Variants in MGAT4C observed in about 807,000 individuals in gnomAD.
MGAT4C encodes MGAT4 family member C, also known as alpha-1,3-mannosyl-glycoprotein 4-beta-N-acetylglucosaminyltransferase C.
A neutral mutation model predicts 40.1 loss-of-function variants in MGAT4C; 19 were observed. The observed-to-expected ratio is 0.47, with a 90% CI of 0.33 to 0.70. The LOEUF is 0.70. Among genes scored for constraint, MGAT4C ranks in the 30% least tolerant of loss-of-function variants. The pLI, the probability that MGAT4C is intolerant of heterozygous loss-of-function variation, is 0.02. For missense variants in MGAT4C, 491 were observed against 563.2 expected (o/e 0.87, Z 1.30); for synonymous variants, 181 against 187.1 (o/e 0.97, Z 0.27).
chr12:86,583,956 T>G (rs1960897699), intron 2 of MGAT4C, among the ~76,000 whole-genome samples: 2 of 150,982 alleles, frequency 1.3e-5, no homozygotes, highest in Non-Finnish European at 3.0e-5. Context: ...ATAAAATAAG[T>G]TACTATGATA....
chr12:86,549,850 C>T (rs1463701377), intron 2 of MGAT4C, among the ~76,000 whole-genome samples: 1 of 152,174 alleles, frequency 6.6e-6, no homozygotes, highest in Non-Finnish European at 1.5e-5. Flanking sequence ...CAGACACTCT[C>T]CCCCACTTAG....
intron 2 of MGAT4C, among the ~76,000 whole-genome samples, chr12:86,724,431 T>A (rs1950788980): frequency 6.6e-6 from 1 of 152,164 alleles, no homozygotes; most frequent in Non-Finnish European, 1.5e-5. Flanking sequence ...ATGCTTTAAA[T>A]TTGTTGTTAT....
chr12:85,983,389 A>G, intron 4 of MGAT4C, 134 bp downstream of exon 4: 1 of 823,346 alleles, frequency 1.2e-6, no homozygotes, highest in Non-Finnish European at 1.7e-6. Flanking sequence ...TTGTGAAGAA[A>G]CATTGAAGTT....
chr12:86,165,383 A>G (rs530752691), intron 1 of MGAT4C, among the ~76,000 whole-genome samples: 1 of 152,204 alleles, frequency 6.6e-6, no homozygotes, highest in East Asian at 1.9e-4. Flanking sequence ...ATAATTTTAG[A>G]ACAGTTTATT....
chr12:86,657,936 A>G (rs576835803), intron 2 of MGAT4C, among the ~76,000 whole-genome samples: 2 of 152,134 alleles, frequency 1.3e-5, no homozygotes, highest in South Asian at 4.1e-4. Flanking sequence ...TAAATTATTC[A>G]GTACTTTTTA....
At chr12:86,603,427 GTA>G (rs1961869296) in intron 2 of MGAT4C, among the ~76,000 whole-genome samples, 1 of 106,992 alleles carries the variant, frequency 9.3e-6, no homozygotes, top group South Asian at 2.6e-4. Flanking sequence ...ATAGTATATA[GTA>G]TATATACTAT....
At chr12:86,521,632 T>C (rs1248041537) in intron 2 of MGAT4C, among the ~76,000 whole-genome samples, 5 of 151,948 alleles carry the variant, frequency 3.3e-5, no homozygotes, top group African/African-American at 1.2e-4. Context: ...AAGAGCATCA[T>C]TGGTACTTTA....
At chr12:86,410,522 C>T (rs1956583451) in intron 3 of MGAT4C, among the ~76,000 whole-genome samples, 1 of 152,258 alleles carries the variant, frequency 6.6e-6, no homozygotes, top group South Asian at 2.1e-4. Flanking sequence ...TGGTTGTCTT[C>T]CCTTGTTCCC....
At position 86,019,124 on chromosome 12, in the gene MGAT4C, C is replaced by T. The variant is rs764420381; in HGVS notation, c.-6-29572G>A. 2.0e-5 allele frequency among the ~76,000 whole-genome samples: 3 copies of T among 152,090 alleles called. No individual in the cohort carries two copies. The South Asian group carries it at 6.2e-4, about 32-fold the overall frequency. ...GTCAGCAAGAGTACAGGAATTAACT[C>T]GTTCTGAGAAAAGTTATAACTGTGA... On this transcript the variant is annotated intron_variant, in intron 2 of 4. Transcript: ENST00000611864.
At position 86,568,135 on chromosome 12, in the gene MGAT4C, G is replaced by T. The variant is rs181530341; in HGVS notation, c.-228-132870C>A. Among the ~76,000 whole-genome samples, 149 of 152,182 alleles carry T rather than the reference G, an allele frequency of 9.8e-4. 1 individual carries two copies. Among genetic ancestry groups the T allele is most frequent in the African/African-American group, 3.5e-3 (147 of 41,540 alleles). On this transcript the variant is annotated intron_variant, in intron 2 of 7. Coordinates refer to the MGAT4C transcript ENST00000548651. ...AATACAAAGCATTGTTCCTGGGTTT[G>T]TCTGTGAGGGTGTTGCCAAAGGAGA...
rs2136658566 is a variant in MGAT4C at position 85,970,886 on chromosome 12, T to G, written c.*8403A>C. On this transcript the variant is annotated 3_prime_UTR_variant, in exon 5 of 5. Transcript: ENST00000611864. ...CTACCTACATAATGTCAATCTCTAT[T>G]GCTCCTAACACATGAGTGGCTAAAA... 6.6e-6 allele frequency: 1 copy of G among 151,460 alleles called. No individual in the cohort carries two copies. The highest frequency in any genetic ancestry group is 2.1e-4 in the South Asian group (1 of 4,828). The allele number at this position is 151,460 out of a possible 1,614,324, so 9.4% of individuals were successfully genotyped here. A position where few individuals can be genotyped will look rare whatever the true frequency, so the allele number is the denominator to read the frequency against.
intron 1 of MGAT4C, among the ~76,000 whole-genome samples, chr12:86,774,418 TC>T (rs1951717076): frequency 6.7e-6 from 1 of 148,960 alleles, no homozygotes; most frequent in African/African-American, 2.5e-5. Context: ...TCTCTCTCTC[TC>T]TCTTTCTTTC....
chr12:86,343,290 T>G (rs1312554359), intron 3 of MGAT4C, among the ~76,000 whole-genome samples: 1 of 152,172 alleles, frequency 6.6e-6, no homozygotes, highest in Non-Finnish European at 1.5e-5. Flanking sequence ...TGAAAACACC[T>G]TTCAAAAAGG....
At chr12:86,557,320 C>T (rs1476377310) in intron 2 of MGAT4C, among the ~76,000 whole-genome samples, 1 of 152,156 alleles carries the variant, frequency 6.6e-6, no homozygotes, top group Non-Finnish European at 1.5e-5. Context: ...GAAAGGCCTG[C>T]CTCACCCACC....
Position 86,536,188 on chromosome 12 carries a change from T to A in MGAT4C, c.-228-100923A>T, listed in dbSNP as rs187033136. ...TCATTATTATAACCTCATCACTGTC[T>A]TCCACTAAAGAGACTTTGTTAGACA... On this transcript the variant is annotated intron_variant, in intron 2 of 7. Transcript: ENST00000548651. Among the ~76,000 whole-genome samples, 254 of 152,218 alleles carry A rather than the reference T, an allele frequency of 1.7e-3. 2 individuals carry two copies. The highest frequency in any genetic ancestry group is 3.9e-3 in the Admixed American group (60 of 15,286).
In MGAT4C at chr12:86,794,294, CAAAT is replaced by C. The variant is rs539519475; in HGVS notation, c.-262+44368_-262+44371del. On this transcript the variant is annotated intron_variant, in intron 1 of 7. Coordinates refer to the MGAT4C transcript ENST00000548651. The stretch of plus-strand genomic sequence containing the variant: ...TTAAAATATGTTTAATAATCTTGCT[CAAAT>C]AAACTAGAAATTAGTTTATATATTC... Among the ~76,000 whole-genome samples the C allele has an allele frequency of 2.8e-4, 42 of 151,504 alleles. No homozygotes were observed. The East Asian group carries it at 6.6e-3, about 24-fold the overall frequency.
At chr12:86,128,111 A>T (rs1291849599) in intron 1 of MGAT4C, among the ~76,000 whole-genome samples, 2 of 152,190 alleles carry the variant, frequency 1.3e-5, no homozygotes, top group African/African-American at 4.8e-5. Flanking sequence ...ATCATAGCCA[A>T]CACATGAGGA....
intron 2 of MGAT4C, among the ~76,000 whole-genome samples, chr12:86,578,911 T>G (rs1282673287): frequency 6.6e-6 from 1 of 151,666 alleles, no homozygotes. Flanking sequence ...GCTTTTCTAG[T>G]TATATAGTGA....
At chr12:86,659,948 C>T (rs1488775160) in intron 2 of MGAT4C, among the ~76,000 whole-genome samples, 2 of 151,378 alleles carry the variant, frequency 1.3e-5, no homozygotes, top group Non-Finnish European at 2.9e-5. Context: ...AAAAAAGCTA[C>T]CTACATTAGC....
Sources: allele counts gnomAD v4.1 joint callset (sites outside exome capture counted in the v4.1 genomes callset), GRCh38; gene constraint gnomAD v4.1.1; transcripts MANE v1.5; gene names NCBI Gene and HGNC (gene_info 2026-07-23, HGNC 2026-07-21).